Variants in HDAC3 observed in about 807,000 individuals in gnomAD.
HDAC3 encodes SMAP45.
A neutral mutation model predicts 62.3 loss-of-function variants in HDAC3; 21 were observed. The observed-to-expected ratio is 0.34, with a 90% confidence interval of 0.24 to 0.49. The LOEUF (loss-of-function observed/expected upper bound fraction) is 0.49. HDAC3 is among the 20% of genes least tolerant of loss of function. The pLI is 0.99. For synonymous variants in HDAC3, 198 were observed against 206.5 expected (o/e 0.96, Z 0.35); for missense variants, 270 against 556.9 (o/e 0.48, Z 5.19).
chr5:141,629,169 A>G lies in HDAC3; in HGVS notation c.610+4T>C. 3 of 1,614,164 alleles carry G rather than the reference A, an allele frequency of 1.9e-6. No homozygotes were observed. The African/African-American group carries it at 4.0e-5, about 22-fold the overall frequency. ...AAAGGGGAAAGTAATCCCTATTCCC[A>G]TACCTGTGCCAGGGAAGAAGTAATT... On this transcript the variant is annotated splice_donor_region_variant and intron_variant, in intron 7 of 14. Coordinates refer to ENST00000305264, the MANE Select transcript of HDAC3 (RefSeq NM_003883.4). The surrounding 1 kb of genome is among the most constrained non-coding windows in gnomAD (Gnocchi z 5.3).
In HDAC3 at chr5:141,635,981, G is replaced by A. The variant is rs77852505; in HGVS notation, c.138+567C>T. The A allele has an allele frequency of 2.9e-3, 447 of 153,074 alleles. 3 individuals carry two copies. The highest frequency in any genetic ancestry group is 0.014 in the Middle Eastern group (4 of 294). 9.5% of individuals were successfully genotyped at this position (153,074 alleles called of 1,614,324 possible). A position where few individuals can be genotyped will look rare whatever the true frequency, so the allele number is the denominator to read the frequency against. On this transcript the variant is annotated intron_variant, in intron 2 of 14. Transcript: ENST00000305264. Reference sequence around the variant, plus strand: ...GAAGACAGCATGTGTATGTCTGGTAGATGAAAAACTGGATAGCGATTAAGC... The same window carrying A: ...GAAGACAGCATGTGTATGTCTGGTAAATGAAAAACTGGATAGCGATTAAGC...
chr5:141,624,424 G>GTGCACACCTA (rs2099904162), intron 14 of HDAC3, among the ~76,000 whole-genome samples: 1 of 142,718 alleles, frequency 7.0e-6, no homozygotes, highest in Non-Finnish European at 1.5e-5. Context: ...AGGTGTCGTG[G>GTGCACACCTA]TGCACACCTA....
chr5:141,635,128 A>T, intron 2 of HDAC3, 175 bp from the exon 3 acceptor site: 1 of 591,158 alleles, frequency 1.7e-6, no homozygotes, highest in Non-Finnish European at 2.9e-6. Flanking sequence ...GTTATTACAA[A>T]TGAGCCCCCT....
Position 141,629,449 on chromosome 5 carries a change from TG to T in HDAC3, c.477-144del. ...ATGTCACCAGTTCCCTAAAGGCAAC[TG>T]GGGGCTCCAGCCTAGAGGCTAGAGG... On this transcript the variant is annotated intron_variant, in intron 6 of 14. Transcript: ENST00000305264. The surrounding 1 kb of genome is among the most constrained non-coding windows in gnomAD (Gnocchi z 5.3). 1 of 1,186,826 alleles carries T rather than the reference TG, an allele frequency of 8.4e-7. No homozygotes were observed. Among genetic ancestry groups the T allele is most frequent in the Non-Finnish European group, 1.2e-6 (1 of 831,492 alleles). 73.5% of individuals were successfully genotyped at this position (1,186,826 alleles called of 1,614,324 possible). A position where few individuals can be genotyped will look rare whatever the true frequency, so the allele number is the denominator to read the frequency against.
Position 141,629,874 on chromosome 5 carries a change from C to T in HDAC3, c.406G>A (p.Ala136Thr), listed in dbSNP as rs1562369470. 1.2e-6 allele frequency: 2 copies of T among 1,614,186 alleles called. No homozygotes were observed. The highest frequency in any genetic ancestry group is 1.7e-6 in the Non-Finnish European group (2 of 1,180,026). Residue 136 changes from alanine (A) to threonine (T), a missense_variant, in exon 5 of 15, where the codon GCC (alanine) becomes ACC (threonine). This residue lies in a region of HDAC3 where 156 missense variants were observed against 383.9 expected (regional missense o/e 0.41). Transcript: ENST00000305264. The surrounding 1 kb of genome is among the most constrained non-coding windows in gnomAD (Gnocchi z 5.3). ...AINWAGGLHH[A>T]KKFEASGFCY... Reference sequence around the variant, plus strand: ...TCCTCACTCACCTCAAACTTCTTGGCATGGTGCAGACCACCAGCCCAGTTA... The same window carrying T: ...TCCTCACTCACCTCAAACTTCTTGGTATGGTGCAGACCACCAGCCCAGTTA...
At chr5:141,634,716 G>T in intron 3 of HDAC3, 95 bp downstream of exon 3, 1 of 1,166,362 alleles carries the variant, frequency 8.6e-7, no homozygotes, top group Non-Finnish European at 1.2e-6. Flanking sequence ...TTGACAAGTA[G>T]GCCCCCCTTG....
At position 141,636,543 on chromosome 5, in the gene HDAC3, C is replaced by A; in HGVS notation, c.138+5G>T. ...CCAACCCCCGGCCGAGGCGGCGGAA[C>A]TCACGATCATCTTCTTATAGAGACC... On this transcript the variant is annotated splice_donor_5th_base_variant and intron_variant, in intron 2 of 14. Transcript: ENST00000305264. 6.2e-7 allele frequency: 1 copy of A among 1,613,584 alleles called. No homozygotes were observed. Among genetic ancestry groups the A allele is most frequent in the Non-Finnish European group, 8.5e-7 (1 of 1,179,600 alleles).
At chr5:141,635,032 T>G in intron 2 of HDAC3, 79 bp from the exon 3 acceptor site, 1 of 1,446,874 alleles carries the variant, frequency 6.9e-7, no homozygotes, top group Non-Finnish European at 9.5e-7. Flanking sequence ...CTGAACCCAG[T>G]CCTGGAGACT....
In HDAC3 at chr5:141,628,744, T is replaced by C. The variant is rs1303277149; in HGVS notation, c.611-105A>G. 2.5e-6 allele frequency: 2 copies of C among 787,040 alleles called. No homozygotes were observed. The highest frequency in any genetic ancestry group is 3.5e-5 in the African/African-American group (2 of 57,612). The allele number at this position is 787,040 out of a possible 1,614,324, so 48.8% of individuals were successfully genotyped here. A position where few individuals can be genotyped will look rare whatever the true frequency, so the allele number is the denominator to read the frequency against. On this transcript the variant is annotated intron_variant, in intron 7 of 14. Transcript: ENST00000305264. The surrounding 1 kb of genome is among the most constrained non-coding windows in gnomAD (Gnocchi z 4.7). Reference sequence around the variant, plus strand: ...GAGCCTCTCATTCCATCTATGTAGCTTCACCATAAACTCCCTAGAGCCACT... The same window carrying C: ...GAGCCTCTCATTCCATCTATGTAGCCTCACCATAAACTCCCTAGAGCCACT...
rs1483543071 is a variant in HDAC3, at chr5:141,629,346, A to AC, written c.477-41dup. On this transcript the variant is annotated intron_variant, in intron 6 of 14. Transcript: ENST00000305264. This position sits in a 1 kb window ranked among gnomAD's most constrained non-coding sequence, Gnocchi z 5.3. ...AAGCCAGGGTCTGAGCTAGAAGTGA[A>AC]CCCCCCAACCCACTCCTCTCAAACA... 4 of 1,611,986 alleles carry AC rather than the reference A, an allele frequency of 2.5e-6. No homozygotes were observed. The Admixed American group carries it at 5.0e-5, about 20-fold the overall frequency.
chr5:141,629,237 G>A lies in HDAC3; in HGVS notation c.546C>T (p.Tyr182=). The part of the protein sequence containing the change: ...HHGDGVQEAF[Y]LTDRVMTVSF... ...ACACCGTCATGACCCGGTCAGTGAG[G>A]TAGAAAGCTTCTTGAACCCCGTCAC... Residue 182 remains tyrosine (Y), a synonymous_variant, in exon 7 of 15, where the codon TAC becomes TAT. Transcript: ENST00000305264. This position sits in a 1 kb window ranked among gnomAD's most constrained non-coding sequence, Gnocchi z 5.3. The A allele has an allele frequency of 6.2e-7, 1 of 1,614,158 alleles. No homozygotes were observed. The highest frequency in any genetic ancestry group is 8.5e-7 in the Non-Finnish European group (1 of 1,180,004).
At chr5:141,622,010 G>A (rs2099903773) in intron 14 of HDAC3, among the ~76,000 whole-genome samples, 1 of 152,134 alleles carries the variant, frequency 6.6e-6, no homozygotes, top group Non-Finnish European at 1.5e-5. Context: ...ACCAACTACA[G>A]AGGTCATGAA....
Position 141,629,449 on chromosome 5 carries a change from T to C in HDAC3, c.477-143A>G, listed in dbSNP as rs1409977998. The C allele has an allele frequency of 1.7e-6, 2 of 1,186,836 alleles. No homozygotes were observed. The highest frequency in any genetic ancestry group is 1.5e-5 in the African/African-American group (1 of 65,470). The allele number at this position is 1,186,836 out of a possible 1,614,324, so 73.5% of individuals were successfully genotyped here. ...ATGTCACCAGTTCCCTAAAGGCAAC[T>C]GGGGGCTCCAGCCTAGAGGCTAGAG... On this transcript the variant is annotated intron_variant, in intron 6 of 14. Coordinates refer to ENST00000305264, the MANE Select transcript of HDAC3 (RefSeq NM_003883.4). This position sits in a 1 kb window ranked among gnomAD's most constrained non-coding sequence, Gnocchi z 5.3.
In HDAC3 at chr5:141,625,654, A is replaced by G; in HGVS notation, c.1059+31T>C. On this transcript the variant is annotated intron_variant, in intron 13 of 14. Transcript: ENST00000305264. This position sits in a 1 kb window ranked among gnomAD's most constrained non-coding sequence, Gnocchi z 4.0. ...CTCCTGGGCTCCACCTTTCAGGAGA[A>G]GTTTGTGCTCAGCTTTTCTGAGCTG... 2 of 1,602,020 alleles carry G rather than the reference A, an allele frequency of 1.2e-6. No individual in the cohort carries two copies. The highest frequency in any genetic ancestry group is 1.7e-6 in the Non-Finnish European group (2 of 1,168,984).
At position 141,629,816 on chromosome 5, in the gene HDAC3, T is replaced by C; in HGVS notation, c.420+44A>G. ...GCCCCCCACCATCATCCTAAACACC[T>C]ACCCTAGGATGGCCACTGTCTTTCC... On this transcript the variant is annotated intron_variant, in intron 5 of 14. Coordinates refer to ENST00000305264, the MANE Select transcript of HDAC3 (RefSeq NM_003883.4). The surrounding 1 kb of genome is among the most constrained non-coding windows in gnomAD (Gnocchi z 5.3). The C allele has an allele frequency of 1.2e-6, 2 of 1,608,622 alleles. No homozygotes were observed. The highest frequency in any genetic ancestry group is 1.7e-6 in the Non-Finnish European group (2 of 1,175,034).
rs760909809 is a variant in HDAC3 at position 141,629,285 on chromosome 5, G to A, written c.498C>T (p.Tyr166=). Residue 166 remains tyrosine, a synonymous_variant, in exon 7 of 15, where the codon TAC becomes TAT. Transcript: ENST00000305264. The surrounding 1 kb of genome is among the most constrained non-coding windows in gnomAD (Gnocchi z 5.3). ...ELLKYHPRVL[Y]IDIDIHHGDG... is the part of the protein sequence containing the mutation. ...CACCATGGTGGATGTCAATGTCAAT[G>A]TAGAGCACCCGAGGGTGGTACCTAG... 3 of 1,614,216 alleles carry A rather than the reference G, an allele frequency of 1.9e-6. No homozygotes were observed. Among genetic ancestry groups the A allele is most frequent in the South Asian group, 2.2e-5 (2 of 91,090 alleles).
At chr5:141,636,133 T>C (rs1206392117) in intron 2 of HDAC3, 1 of 193,670 alleles carries the variant, frequency 5.2e-6, no homozygotes, top group Admixed American at 5.4e-5. Flanking sequence ...TCCTTGGAGG[T>C]AAAGAAAGGT....
At position 141,625,845 on chromosome 5, in the gene HDAC3, A is replaced by G. The variant is rs2099904361; in HGVS notation, c.980-81T>C. On this transcript the variant is annotated intron_variant, in intron 12 of 14. Coordinates refer to ENST00000305264, the MANE Select transcript of HDAC3 (RefSeq NM_003883.4). This position sits in a 1 kb window ranked among gnomAD's most constrained non-coding sequence, Gnocchi z 4.0. ...TTCCCAATCTTTTTCCTTCCCATCCAGAGCACCTACATAATAGCTGCCCAA... is the reference window on the plus strand; with the variant it reads ...TTCCCAATCTTTTTCCTTCCCATCCGGAGCACCTACATAATAGCTGCCCAA... 7.1e-7 allele frequency: 1 copy of G among 1,410,620 alleles called. No homozygotes were observed. 87.4% of individuals were successfully genotyped at this position (1,410,620 alleles called of 1,614,324 possible).
intron 3 of HDAC3, 103 bp from the exon 4 acceptor site, chr5:141,630,228 C>A: frequency 9.3e-7 from 1 of 1,075,318 alleles, no homozygotes; most frequent in Admixed American, 1.8e-5. Context: ...TTTTCAAGAA[C>A]CTTCTCTCCC....
Sources: gnomAD v4.1 joint callset for allele counts (sites outside exome capture counted in the v4.1 genomes callset) on GRCh38, gnomAD v4.1.1 for gene constraint, gnomAD v4.1.1 regional missense constraint, Gnocchi (gnomAD v3.1) non-coding constraint, MANE v1.5 for transcripts, NCBI Gene and HGNC (gene_info 2026-07-23, HGNC 2026-07-21) for gene names.